YY1: variants seen among roughly 807,000 people sequenced by gnomAD.
The protein encoded by YY1 is transcriptional repressor protein YY1.
A neutral mutation model predicts 35.6 loss-of-function variants in YY1; 2 were observed. The ratio of observed to expected loss-of-function variants is 0.06; its 90% CI spans 0.02 to 0.18. The LOEUF (loss-of-function observed/expected upper bound fraction) is 0.18. Among genes scored for constraint, YY1 ranks in the 10% least tolerant of loss-of-function variants. The pLI, the probability that YY1 is intolerant of heterozygous loss-of-function variation, is 1.00. For synonymous variants in YY1, 268 were observed against 238.9 expected, an observed-to-expected ratio of 1.12 and a Z score of -1.12; for missense variants, 322 against 573.4, an observed-to-expected ratio of 0.56 and a Z score of 4.48.
At chr14:100,240,545 C>T (rs1890720909) in intron 1 of YY1, among the ~76,000 whole-genome samples, 2 of 152,136 alleles carry the variant, frequency 1.3e-5, no homozygotes, top group East Asian at 1.9e-4. Flanking sequence ...CCTCCGGCCT[C>T]CTTGCTCCCC....
chr14:100,239,709 G>A lies in YY1; in HGVS notation c.465G>A (p.Ala155=). ...YIEQTLVTVA[A]AGKSGGGGSS... is the part of the protein sequence containing the mutation. ...AACAAACGCTGGTCACCGTGGCGGC[G>A]GCCGGCAAGAGCGGCGGCGGCGGCT... is the stretch of plus-strand genomic sequence containing the variant. Residue 155 remains alanine, a synonymous_variant, in exon 1 of 5, where the codon GCG becomes GCA. Coordinates refer to ENST00000262238, the MANE Select transcript of YY1 (RefSeq NM_003403.5). 1 of 1,600,554 alleles carries A rather than the reference G, an allele frequency of 6.2e-7. No individual in the cohort carries two copies. The highest frequency in any genetic ancestry group is 2.3e-5 in the East Asian group (1 of 44,350).
At chr14:100,273,710 A>T (rs1050449709) in intron 2 of YY1, among the ~76,000 whole-genome samples, 18 of 152,200 alleles carry the variant, frequency 1.2e-4, no homozygotes, top group African/African-American at 4.3e-4. Flanking sequence ...GGGGTGTGAG[A>T]GGGGTAAAAC....
At chr14:100,245,264 C>G (rs1284490846) in intron 1 of YY1, among the ~76,000 whole-genome samples, 2 of 152,116 alleles carry the variant, frequency 1.3e-5, no homozygotes, top group Non-Finnish European at 2.9e-5. Context: ...CCTGAATATA[C>G]TTAACTGTTT....
At chr14:100,252,523 G>T (rs1157161403) in intron 1 of YY1, among the ~76,000 whole-genome samples, 1 of 152,168 alleles carries the variant, frequency 6.6e-6, no homozygotes, top group Non-Finnish European at 1.5e-5. Flanking sequence ...TTAGGTCATT[G>T]CATTTAGCCA....
Position 100,239,161 on chromosome 14 carries a change from C to T in YY1, c.-84C>T, listed in dbSNP as rs1566765351. 1.6e-6 allele frequency: 2 copies of T among 1,237,194 alleles called. No homozygotes were observed. The highest frequency in any genetic ancestry group is 2.3e-5 in the South Asian group (1 of 42,970). The allele number at this position is 1,237,194 out of a possible 1,614,324, so 76.6% of individuals were successfully genotyped here. ...CCGCCTTCCTCCCTCTGCCTTCCTT[C>T]CCCACGGCCGGCCGCCTCCTCGCCC... is the stretch of plus-strand genomic sequence containing the variant. On this transcript the variant is annotated 5_prime_UTR_variant, in exon 1 of 5. Coordinates refer to ENST00000262238, the MANE Select transcript of YY1 (RefSeq NM_003403.5).
In YY1 at chr14:100,277,266, T is replaced by G; in HGVS notation, c.1063-152T>G. ...CGGGGTTGTCCAACCTGCCTGCTGA[T>G]TCTAGACTATATCCACAAAGTTCAC... On this transcript the variant is annotated intron_variant, in intron 4 of 4. Transcript: ENST00000262238. The surrounding 1 kb of genome is among the most constrained non-coding windows in gnomAD (Gnocchi z 5.6). The G allele has an allele frequency of 2.0e-6, 2 of 994,872 alleles. No individual in the cohort carries two copies. The allele number at this position is 994,872 out of a possible 1,614,324, so 61.6% of individuals were successfully genotyped here.
rs1474806611 is a variant in YY1, at chr14:100,279,188, G to T, written c.*1588G>T. The T allele has an allele frequency of 6.6e-6, 1 of 152,220 alleles. No individual in the cohort carries two copies. The highest frequency in any genetic ancestry group is 1.5e-5 in the Non-Finnish European group (1 of 68,054). 9.4% of individuals were successfully genotyped at this position (152,220 alleles called of 1,614,324 possible). ...TTGAGAATACTTTATAAACTGCCAT[G>T]ATACAGCAAAATCTCATTTATTCAA... On this transcript the variant is annotated 3_prime_UTR_variant, in exon 5 of 5. Coordinates refer to ENST00000262238, the MANE Select transcript of YY1 (RefSeq NM_003403.5).
rs1450505208 is a variant in YY1, at chr14:100,277,182, G to A, written c.1063-236G>A. The A allele has an allele frequency of 8.5e-6, 5 of 590,454 alleles. No homozygotes were observed. The South Asian group carries it at 9.9e-5, about 12-fold the overall frequency. The allele number at this position is 590,454 out of a possible 1,614,324, so 36.6% of individuals were successfully genotyped here. Reference sequence around the variant, plus strand: ...CACTAGGACTCTAGCCTGCATTTAGGAAGACTTGCCATTTTGCCAAGTGTT... The same window carrying A: ...CACTAGGACTCTAGCCTGCATTTAGAAAGACTTGCCATTTTGCCAAGTGTT... On this transcript the variant is annotated intron_variant, in intron 4 of 4. Transcript: ENST00000262238. The surrounding 1 kb of genome is among the most constrained non-coding windows in gnomAD (Gnocchi z 5.6).
At position 100,242,771 on chromosome 14, in the gene YY1, CAG is replaced by C. The variant is rs928222831; in HGVS notation, c.679+2851_679+2852del. 7.1e-4 allele frequency among the ~76,000 whole-genome samples: 105 copies of C among 148,058 alleles called. 1 individual carries two copies. The highest frequency in any genetic ancestry group is 2.5e-3 in the African/African-American group (102 of 40,128). On this transcript the variant is annotated intron_variant, in intron 1 of 4. Coordinates refer to ENST00000262238, the MANE Select transcript of YY1 (RefSeq NM_003403.5). ...TCTCTTTTCTTTTTTTAATTTGAGACAGAGTCTTGCTCTGTTGCCCAGGCTGG... is the reference window on the plus strand; with the variant it reads ...TCTCTTTTCTTTTTTTAATTTGAGACAGTCTTGCTCTGTTGCCCAGGCTGG...
At chr14:100,268,527 AGGCCAATCCCAAAT>A (rs982977437) in intron 2 of YY1, among the ~76,000 whole-genome samples, 15 of 152,228 alleles carry the variant, frequency 9.9e-5, no homozygotes, top group African/African-American at 2.7e-4. Flanking sequence ...TAGAATGGTT[AGGCCAATCCCAAAT>A]GGGTATTTTT....
chr14:100,258,560 T>C (rs1290424979), intron 1 of YY1, among the ~76,000 whole-genome samples: 1 of 152,162 alleles, frequency 6.6e-6, no homozygotes, highest in Non-Finnish European at 1.5e-5. Flanking sequence ...GAGACGGGGT[T>C]TCACCGTGGT....
At position 100,277,272 on chromosome 14, in the gene YY1, A is replaced by G. The variant is rs1239871223; in HGVS notation, c.1063-146A>G. On this transcript the variant is annotated intron_variant, in intron 4 of 4. Coordinates refer to ENST00000262238, the MANE Select transcript of YY1 (RefSeq NM_003403.5). The surrounding 1 kb of genome is among the most constrained non-coding windows in gnomAD (Gnocchi z 5.6). ...TGTCCAACCTGCCTGCTGATTCTAG[A>G]CTATATCCACAAAGTTCACCCAGGG... is the stretch of plus-strand genomic sequence containing the variant. 3 of 1,029,490 alleles carry G rather than the reference A, an allele frequency of 2.9e-6. No homozygotes were observed. Among genetic ancestry groups the G allele is most frequent in the African/African-American group, 3.1e-5 (2 of 63,504 alleles). The allele number at this position is 1,029,490 out of a possible 1,614,324, so 63.8% of individuals were successfully genotyped here.
Position 100,277,718 on chromosome 14 carries a change from C to A in YY1, c.*118C>A. 1.8e-6 allele frequency: 2 copies of A among 1,116,706 alleles called. No homozygotes were observed. The highest frequency in any genetic ancestry group is 2.6e-6 in the Non-Finnish European group (2 of 761,524). 69.2% of individuals were successfully genotyped at this position (1,116,706 alleles called of 1,614,324 possible). The stretch of plus-strand genomic sequence containing the variant: ...GGAAGAATTTTAAAAATGAATCCTA[C>A]ACACCTAAGGGACATGTTTTGATAA... On this transcript the variant is annotated 3_prime_UTR_variant, in exon 5 of 5. Transcript: ENST00000262238. This position sits in a 1 kb window ranked among gnomAD's most constrained non-coding sequence, Gnocchi z 5.6.
At position 100,239,880 on chromosome 14, in the gene YY1, C is replaced by G; in HGVS notation, c.636C>G (p.Ile212Met). ...NKKWEQKQVQ[I>M]KTLEGEFSVT... Reference sequence around the variant, plus strand: ...AGTGGGAGCAGAAGCAGGTGCAGATCAAGACCCTGGAGGGCGAGTTCTCGG... The same window carrying G: ...AGTGGGAGCAGAAGCAGGTGCAGATGAAGACCCTGGAGGGCGAGTTCTCGG... The change falls in exon 1 of 5, where the codon ATC (isoleucine) becomes ATG (methionine). Residue 212 changes from isoleucine to methionine, a missense_variant. Transcript: ENST00000262238. The G allele has an allele frequency of 6.5e-7, 1 of 1,530,988 alleles. No individual in the cohort carries two copies. The highest frequency in any genetic ancestry group is 8.8e-7 in the Non-Finnish European group (1 of 1,141,118). 94.8% of individuals were successfully genotyped at this position (1,530,988 alleles called of 1,614,324 possible).
rs573834571 is a variant in YY1 at position 100,248,413 on chromosome 14, T to G, written c.679+8490T>G. ...CTGGGATTATAGGCATGAGCTACTGTACCCAGCCTACTCAATTTCTTAAAG... is the reference window on the plus strand; with the variant it reads ...CTGGGATTATAGGCATGAGCTACTGGACCCAGCCTACTCAATTTCTTAAAG... On this transcript the variant is annotated intron_variant, in intron 1 of 4. Transcript: ENST00000262238. 2.6e-3 allele frequency among the ~76,000 whole-genome samples: 392 copies of G among 152,170 alleles called. 1 individual carries two copies. Among genetic ancestry groups the G allele is most frequent in the Middle Eastern group, 3.4e-3 (1 of 294 alleles).
rs917401984 is a variant in YY1 at position 100,282,326 on chromosome 14, T to G, written c.*4726T>G. On this transcript the variant is annotated 3_prime_UTR_variant, in exon 5 of 5. Coordinates refer to ENST00000262238, the MANE Select transcript of YY1 (RefSeq NM_003403.5). ...AAAAAAAAACAGCACTGGGATGTGT[T>G]GAGGAGGGGGCAGTTTGCTGTGCTC... 13 of 151,400 alleles carry G rather than the reference T, an allele frequency of 8.6e-5. No homozygotes were observed. The highest frequency in any genetic ancestry group is 3.2e-4 in the African/African-American group (13 of 41,224). 9.4% of individuals were successfully genotyped at this position (151,400 alleles called of 1,614,324 possible).
chr14:100,254,799 G>A (rs1470944433), intron 1 of YY1, among the ~76,000 whole-genome samples: 1 of 146,818 alleles, frequency 6.8e-6, no homozygotes. Context: ...TTGAGTCGAA[G>A]TCTCACAGTG....
At chr14:100,246,355 G>A (rs535371297) in intron 1 of YY1, among the ~76,000 whole-genome samples, 1 of 152,356 alleles carries the variant, frequency 6.6e-6, no homozygotes, top group African/African-American at 2.4e-5. Context: ...CCTTCTCAAA[G>A]TGCTGGCAGC....
chr14:100,246,066 G>A (rs764225778), intron 1 of YY1, among the ~76,000 whole-genome samples: 13 of 152,156 alleles, frequency 8.5e-5, no homozygotes, highest in Non-Finnish European at 1.6e-4. Flanking sequence ...GTGACAAACT[G>A]TGACCCTCTC....
Sources: gnomAD v4.1 joint callset for allele counts (sites outside exome capture counted in the v4.1 genomes callset) on GRCh38, gnomAD v4.1.1 for gene constraint, Gnocchi (gnomAD v3.1) non-coding constraint, MANE v1.5 for transcripts, NCBI Gene and HGNC (gene_info 2026-07-23, HGNC 2026-07-21) for gene names.